The following TP73 variants were observed in gnomAD, a reference collection of about 807,000 sequenced individuals.
TP73 encodes the protein tumor protein p73, also known as p53-like transcription factor.
A neutral mutation model predicts 62.5 loss-of-function variants in TP73; 25 were observed. That is an observed-to-expected ratio of 0.40 (90% CI 0.29 to 0.56). TP73 has a LOEUF of 0.56. Among genes scored for constraint, TP73 ranks in the 20% least tolerant of loss-of-function variants. The pLI is 0.46. For synonymous variants in TP73, 423 were observed against 377.5 expected, an observed-to-expected ratio of 1.12 and a Z score of -1.40; for missense variants, 754 against 913.3, an observed-to-expected ratio of 0.83 and a Z score of 2.25.
intron 1 of TP73, among the ~76,000 whole-genome samples, chr1:3,654,165 C>T (rs1416393612): frequency 6.6e-6 from 1 of 152,176 alleles, no homozygotes; most frequent in African/African-American, 2.4e-5. Context: ...CAGAGCAAGA[C>T]TCTGTCTCAA....
chr1:3,678,860 G>A (rs1406867378), intron 1 of TP73, among the ~76,000 whole-genome samples: 1 of 152,208 alleles, frequency 6.6e-6, no homozygotes, highest in African/African-American at 2.4e-5. Context: ...TGGTCCACAC[G>A]CCTGCACCTG....
intron 4 of TP73, among the ~76,000 whole-genome samples, chr1:3,710,132 T>G (rs1557550309): frequency 7.3e-6 from 1 of 136,278 alleles, no homozygotes; most frequent in Non-Finnish European, 1.5e-5. Context: ...AAGCTGTGCC[T>G]GGTGCCCAGC....
rs1645116797 is a variant in TP73, at chr1:3,666,518, G to A, written c.-34+13877G>A. ...GGGACCTGCTGGCAAATACTGAAGA[G>A]CTGTGGGGAGAAAGGAAGGGGTCTG... On this transcript the variant is annotated intron_variant, in intron 1 of 13. Coordinates refer to ENST00000378295, the MANE Select transcript of TP73 (RefSeq NM_005427.4). This position sits in a 1 kb window ranked among gnomAD's most constrained non-coding sequence, Gnocchi z 6.4. 6.6e-6 allele frequency among the ~76,000 whole-genome samples: 1 copy of A among 152,170 alleles called. No individual in the cohort carries two copies. The highest frequency in any genetic ancestry group is 6.5e-5 in the Admixed American group (1 of 15,272).
At chr1:3,678,092 A>G (rs577427315) in intron 1 of TP73, among the ~76,000 whole-genome samples, 82 of 152,340 alleles carry the variant, frequency 5.4e-4, no homozygotes, top group African/African-American at 1.8e-3. Context: ...CTTCCTAAAG[A>G]TGTCTTATGA....
At chr1:3,720,925 C>T (rs1385563002) in intron 4 of TP73, among the ~76,000 whole-genome samples, 4 of 152,242 alleles carry the variant, frequency 2.6e-5, no homozygotes, top group African/African-American at 7.2e-5. Flanking sequence ...TTCTCCAGGG[C>T]ACTTGCGGCT....
At chr1:3,671,490 C>T (rs889503987) in intron 1 of TP73, among the ~76,000 whole-genome samples, 4 of 152,230 alleles carry the variant, frequency 2.6e-5, no homozygotes, top group African/African-American at 7.2e-5. Flanking sequence ...ACCCAGCCAT[C>T]GTCGGGAGCC....
In TP73 at chr1:3,732,924, G is replaced by A. The variant is rs138694448; in HGVS notation, c.1756G>A (p.Val586Met). 1.2e-4 allele frequency: 191 copies of A among 1,610,174 alleles called. 1 individual carries two copies. Among genetic ancestry groups the A allele is most frequent in the Non-Finnish European group, 2.7e-5 (32 of 1,179,418 alleles). Residue 586 changes from valine (V) to methionine (M), a missense_variant, in exon 14 of 14, where the codon GTG becomes ATG. This residue lies in a region of TP73 where 458 missense variants were observed against 528.7 expected (regional missense o/e 0.87). Coordinates refer to ENST00000378295, the MANE Select transcript of TP73 (RefSeq NM_005427.4). ...GCAGCGCCAGCGGGTCATGGAGGCC[G>A]TGCACTTCCGCGTGCGCCACACCAT... ...ELQRQRVMEA[V>M]HFRVRHTITI... is the part of the protein sequence containing the mutation.
Position 3,731,508 on chromosome 1 carries a change from C to G in TP73, c.1530C>G (p.Thr510=). ...LGCPNCIEYF[T]SQGLQSIYHL... ...GTCCAAACTGCATCGAGTATTTCAC[C>G]TCCCAAGGGTTACAGAGCATTTACC... The change falls in exon 13 of 14, where the codon ACC becomes ACG. Residue 510 remains threonine (T), a synonymous_variant. Coordinates refer to ENST00000378295, the MANE Select transcript of TP73 (RefSeq NM_005427.4). The G allele has an allele frequency of 6.2e-7, 1 of 1,613,876 alleles. No homozygotes were observed.
chr1:3,676,809 G>A (rs904045798), intron 1 of TP73, among the ~76,000 whole-genome samples: 5 of 151,858 alleles, frequency 3.3e-5, no homozygotes, highest in African/African-American at 7.3e-5. Context: ...GCCTCAGCTC[G>A]GAGCCATGGC....
At chr1:3,655,413 G>T (rs1481349367) in intron 1 of TP73, among the ~76,000 whole-genome samples, 1 of 152,174 alleles carries the variant, frequency 6.6e-6, no homozygotes, top group African/African-American at 2.4e-5. Flanking sequence ...AATACTTTTG[G>T]TGTGTGTTTC....
At chr1:3,664,960 C>G (rs1645078614) in intron 1 of TP73, among the ~76,000 whole-genome samples, 1 of 152,190 alleles carries the variant, frequency 6.6e-6, no homozygotes, top group African/African-American at 2.4e-5. Context: ...GCACCATGCA[C>G]AATGCAGGGT....
chr1:3,708,172 G>T, intron 4 of TP73: 1 of 294,328 alleles, frequency 3.4e-6, no homozygotes, highest in African/African-American at 2.2e-5. Flanking sequence ...GTCCGAGACA[G>T]GCCCACAGCC....
chr1:3,691,010 G>T, intron 3 of TP73: 1 of 1,545,902 alleles, frequency 6.5e-7, no homozygotes, highest in Non-Finnish European at 8.8e-7. Context: ...CTGCAGTGTA[G>T]GGTTCAGAGG....
At chr1:3,705,659 A>G (rs1639566212) in intron 3 of TP73, among the ~76,000 whole-genome samples, 1 of 152,218 alleles carries the variant, frequency 6.6e-6, no homozygotes, top group African/African-American at 2.4e-5. Flanking sequence ...GGCCCTGGGA[A>G]CAGTGGTGAT....
chr1:3,707,309 C>G (rs1283414994), intron 3 of TP73, among the ~76,000 whole-genome samples: 3 of 152,222 alleles, frequency 2.0e-5, no homozygotes, highest in Admixed American at 6.5e-5. Context: ...TCATCAACGG[C>G]TGGGTGGATC....
At chr1:3,703,286 C>T (rs1334810282) in intron 3 of TP73, among the ~76,000 whole-genome samples, 1 of 152,158 alleles carries the variant, frequency 6.6e-6, no homozygotes, top group Non-Finnish European at 1.5e-5. Flanking sequence ...GGCCCAGTAA[C>T]CCTGGGGAGG....
At chr1:3,668,372 G>A (rs1645167311) in intron 1 of TP73, among the ~76,000 whole-genome samples, 1 of 152,220 alleles carries the variant, frequency 6.6e-6, no homozygotes, top group South Asian at 2.1e-4. Context: ...AATTGTGGGG[G>A]AGGAAGGTGG....
intron 3 of TP73, among the ~76,000 whole-genome samples, chr1:3,695,744 C>T (rs894764454): frequency 6.6e-5 from 10 of 152,238 alleles, no homozygotes; most frequent in African/African-American, 2.4e-4. Context: ...CCAAGGGACG[C>T]AGCTGGCAGA....
chr1:3,720,877 G>C (rs1641015404), intron 4 of TP73, among the ~76,000 whole-genome samples: 1 of 152,256 alleles, frequency 6.6e-6, no homozygotes, highest in South Asian at 2.1e-4. Context: ...TCTGACCTCA[G>C]TTTCCCCAAC....
Sources: allele counts gnomAD v4.1 joint callset (sites outside exome capture counted in the v4.1 genomes callset), GRCh38; gene constraint gnomAD v4.1.1; regional missense constraint gnomAD v4.1.1; non-coding constraint Gnocchi (gnomAD v3.1); transcripts MANE v1.5; gene names NCBI Gene and HGNC (gene_info 2026-07-23, HGNC 2026-07-21).